SLC16A7: variants seen among roughly 807,000 people sequenced by gnomAD.
The protein encoded by SLC16A7 is monocarboxylate transporter 2.
A neutral mutation model predicts 34.9 loss-of-function variants in SLC16A7; 33 were observed. The observed-to-expected ratio is 0.94, with a 90% CI of 0.72 to 1.26. The LOEUF is 1.26. Ranked by LOEUF, SLC16A7 falls within the 50% of genes most tolerant of loss-of-function variation. SLC16A7 has a pLI of 0.00. For synonymous variants in SLC16A7, 201 were observed against 206.6 expected (o/e 0.97, Z 0.23); for missense variants, 573 against 578.1 (o/e 0.99, Z 0.09).
chr12:59,604,968 T>C (rs1592381030), intron 1 of SLC16A7, among the ~76,000 whole-genome samples: 1 of 152,184 alleles, frequency 6.6e-6, no homozygotes, highest in Non-Finnish European at 1.5e-5. Context: ...CGCCTCAGCC[T>C]CCCAAGTAGC....
chr12:59,766,252 G>C (rs1316051916), intron 3 of SLC16A7, among the ~76,000 whole-genome samples: 1 of 152,122 alleles, frequency 6.6e-6, no homozygotes, highest in Non-Finnish European at 1.5e-5. Context: ...GGGTTTTCTA[G>C]ATATACAATC....
chr12:59,756,052 A>G (rs1474501517), intron 3 of SLC16A7, among the ~76,000 whole-genome samples: 5 of 152,366 alleles, frequency 3.3e-5, no homozygotes, highest in East Asian at 3.9e-4. Context: ...CTGGCTAGCC[A>G]TATGGAGAAA....
chr12:59,770,301 C>T (rs892314758), intron 3 of SLC16A7, among the ~76,000 whole-genome samples: 7 of 152,100 alleles, frequency 4.6e-5, no homozygotes, highest in African/African-American at 1.7e-4. Flanking sequence ...GAGTTTTCAA[C>T]ATTCACATCT....
intron 2 of SLC16A7, among the ~76,000 whole-genome samples, chr12:59,701,356 G>A (rs986790061): frequency 1.3e-5 from 2 of 150,758 alleles, no homozygotes; most frequent in African/African-American, 2.4e-5. Flanking sequence ...AGCATTTGAA[G>A]CTCTTATGCT....
chr12:59,624,126 G>C (rs1283517966), intron 1 of SLC16A7, among the ~76,000 whole-genome samples: 1 of 151,186 alleles, frequency 6.6e-6, no homozygotes, highest in Admixed American at 6.6e-5. Context: ...TATTAATATA[G>C]TGAAAATCAT....
At position 59,779,603 on chromosome 12, in the gene SLC16A7, C is replaced by G; in HGVS notation, c.1361C>G (p.Ser454Cys). ...AGAGAATCTGAACCCTTGAGCAAATCTAAACATTCGGAAGATGTTAACGTC... is the reference window on the plus strand; with the variant it reads ...AGAGAATCTGAACCCTTGAGCAAATGTAAACATTCGGAAGATGTTAACGTC... ...KTRESEPLSK[S>C]KHSEDVNVKV... The change falls in exon 6 of 6, where the codon TCT (serine) becomes TGT (cysteine). Residue 454 changes from serine to cysteine, a missense_variant. Coordinates refer to ENST00000547379, the MANE Select transcript of SLC16A7 (RefSeq NM_001270623.2). The G allele has an allele frequency of 6.2e-7, 1 of 1,611,666 alleles. No homozygotes were observed. Among genetic ancestry groups the G allele is most frequent in the Non-Finnish European group, 8.5e-7 (1 of 1,178,244 alleles).
At chr12:59,610,487 T>C (rs1879143726) in intron 1 of SLC16A7, among the ~76,000 whole-genome samples, 1 of 152,226 alleles carries the variant, frequency 6.6e-6, no homozygotes, top group South Asian at 2.1e-4. Flanking sequence ...TTCTTCTTTT[T>C]TGAGTGCTTG....
At chr12:59,660,206 CTG>C (rs1868767894) in intron 2 of SLC16A7, among the ~76,000 whole-genome samples, 1 of 151,674 alleles carries the variant, frequency 6.6e-6, no homozygotes, top group Admixed American at 6.6e-5. Flanking sequence ...ATAGTAATAA[CTG>C]GTGCTCCCAG....
chr12:59,703,380 C>A (rs1190110369), intron 2 of SLC16A7, among the ~76,000 whole-genome samples: 1 of 151,990 alleles, frequency 6.6e-6, no homozygotes, highest in Non-Finnish European at 1.5e-5. Flanking sequence ...TATACCTCTA[C>A]TTCCTATAAA....
At chr12:59,752,060 G>A (rs1238187858) in intron 3 of SLC16A7, among the ~76,000 whole-genome samples, 2 of 152,018 alleles carry the variant, frequency 1.3e-5, no homozygotes, top group African/African-American at 2.4e-5. Context: ...TCTGTTAGAA[G>A]GAAAACTAAC....
intron 2 of SLC16A7, among the ~76,000 whole-genome samples, chr12:59,686,011 C>A (rs1353637279): frequency 1.3e-5 from 2 of 151,474 alleles, no homozygotes; most frequent in African/African-American, 4.8e-5. Flanking sequence ...CCTTTGGGAG[C>A]CTCTAGTATT....
chr12:59,775,988 TAGAG>T (rs1350305765), intron 5 of SLC16A7, among the ~76,000 whole-genome samples: 3 of 152,204 alleles, frequency 2.0e-5, no homozygotes, highest in African/African-American at 7.2e-5. Flanking sequence ...CTATTCCATA[TAGAG>T]AAAGACAGGG....
intron 3 of SLC16A7, among the ~76,000 whole-genome samples, chr12:59,766,647 A>G (rs375318472): frequency 1.6e-4 from 25 of 152,226 alleles, no homozygotes; most frequent in Middle Eastern, 6.8e-3. Flanking sequence ...TGGTTTTTGT[A>G]TGTTGAACCA....
chr12:59,677,079 A>G (rs1870372075), intron 2 of SLC16A7, among the ~76,000 whole-genome samples: 1 of 152,088 alleles, frequency 6.6e-6, no homozygotes, highest in Admixed American at 6.5e-5. Context: ...TTTTTCTTAT[A>G]ATAGAAATAT....
chr12:59,684,763 A>C (rs1871020258), intron 2 of SLC16A7, among the ~76,000 whole-genome samples: 1 of 152,134 alleles, frequency 6.6e-6, no homozygotes, highest in Admixed American at 6.6e-5. Flanking sequence ...TAAACAATAA[A>C]ATAATTTAAA....
At chr12:59,717,870 T>A (rs987451792) in intron 3 of SLC16A7, among the ~76,000 whole-genome samples, 1 of 152,200 alleles carries the variant, frequency 6.6e-6, no homozygotes, top group African/African-American at 2.4e-5. Flanking sequence ...TGTTGAACAA[T>A]TATATTTAGA....
intron 2 of SLC16A7, among the ~76,000 whole-genome samples, chr12:59,683,164 C>G (rs1263475029): frequency 6.6e-6 from 1 of 152,106 alleles, no homozygotes; most frequent in Non-Finnish European, 1.5e-5. Flanking sequence ...CCAATCATTT[C>G]CATGTAATAC....
At chr12:59,696,064 T>C (rs1231395715) in intron 2 of SLC16A7, among the ~76,000 whole-genome samples, 2 of 151,976 alleles carry the variant, frequency 1.3e-5, no homozygotes, top group Non-Finnish European at 2.9e-5. Context: ...AGAAAATTAT[T>C]TAAATGAGTA....
intron 3 of SLC16A7, among the ~76,000 whole-genome samples, chr12:59,758,741 G>T (rs1880683613): frequency 1.3e-5 from 2 of 152,092 alleles, no homozygotes; most frequent in Middle Eastern, 3.4e-3. Flanking sequence ...ATTATTTATT[G>T]TTGCTACAGT....
Sources: gnomAD v4.1 joint callset for allele counts (sites outside exome capture counted in the v4.1 genomes callset) on GRCh38, gnomAD v4.1.1 for gene constraint, MANE v1.5 for transcripts, NCBI Gene and HGNC (gene_info 2026-07-23, HGNC 2026-07-21) for gene names.